GPHN: variants seen among roughly 807,000 people sequenced by gnomAD.
GPHN encodes the protein gephyrin.
GPHN carries 17 observed loss-of-function variants against 95.5 expected under a neutral mutation model. The ratio of observed to expected loss-of-function variants is 0.18; its 90% CI spans 0.12 to 0.27. GPHN has a LOEUF of 0.27. Among genes scored for constraint, GPHN ranks in the 10% least tolerant of loss-of-function variants. The pLI is 1.00. For synonymous variants in GPHN, 320 were observed against 322.5 expected (o/e 0.99, Z 0.08); for missense variants, 660 against 978.1 (o/e 0.67, Z 4.34).
intron 2 of GPHN, among the ~76,000 whole-genome samples, chr14:66,764,135 A>G (rs2058869203): frequency 6.6e-6 from 1 of 152,214 alleles, no homozygotes. Context: ...CATTTGAATC[A>G]TCACAAAACC....
At chr14:66,855,103 T>C (rs181073137) in intron 4 of GPHN, among the ~76,000 whole-genome samples, 2 of 152,276 alleles carry the variant, frequency 1.3e-5, no homozygotes, top group Non-Finnish European at 2.9e-5. Context: ...CACCGCAGCC[T>C]CCCTAAGTGT....
chr14:67,619,873 C>A, the GPHN span: 2 of 760,970 alleles, frequency 2.6e-6, no homozygotes. Flanking sequence ...ACGGGGCGGG[C>A]GGACGCTGGC....
intron 13 of GPHN, among the ~76,000 whole-genome samples, chr14:67,108,863 G>A (rs1595173210): frequency 2.0e-5 from 3 of 152,050 alleles, no homozygotes; most frequent in African/African-American, 7.3e-5. Context: ...TTATAGTTCA[G>A]TAGTGGTAAA....
chr14:67,422,518 G>A, the GPHN span, among the ~76,000 whole-genome samples: 1 of 152,236 alleles, frequency 6.6e-6, no homozygotes, highest in Admixed American at 6.5e-5. Flanking sequence ...GGCTGAATAA[G>A]TTAAATGAAT....
At chr14:66,853,883 A>G (rs2062694850) in intron 4 of GPHN, among the ~76,000 whole-genome samples, 1 of 152,206 alleles carries the variant, frequency 6.6e-6, no homozygotes, top group Admixed American at 6.5e-5. Flanking sequence ...GATCCTTGAG[A>G]GTATTAAAAG....
the GPHN span, chr14:67,198,446 A>C: frequency 1.1e-6 from 1 of 900,180 alleles, no homozygotes; most frequent in South Asian, 1.8e-5. Context: ...TACAAAAGAG[A>C]ACAGTTTGGG....
At chr14:67,279,027 A>G in the GPHN span, 1 of 730,416 alleles carries the variant, frequency 1.4e-6, no homozygotes, top group Non-Finnish European at 2.0e-6. Flanking sequence ...GATTTCCTTC[A>G]TGGATACTTT....
At chr14:66,912,489 C>G (rs2065719978) in intron 5 of GPHN, among the ~76,000 whole-genome samples, 1 of 152,218 alleles carries the variant, frequency 6.6e-6, no homozygotes, top group African/African-American at 2.4e-5. Context: ...AAACAATGCG[C>G]TATGTAACAT....
At chr14:66,664,474 G>A (rs2065836269) in intron 1 of GPHN, among the ~76,000 whole-genome samples, 1 of 152,140 alleles carries the variant, frequency 6.6e-6, no homozygotes, top group African/African-American at 2.4e-5. Context: ...CAGGGACACA[G>A]CTAAAGTAGT....
intron 13 of GPHN, among the ~76,000 whole-genome samples, chr14:67,101,624 G>T (rs1428067589): frequency 6.6e-6 from 1 of 151,344 alleles, no homozygotes; most frequent in African/African-American, 2.4e-5. Flanking sequence ...CAATGTCTCT[G>T]ATTTCCATTT....
the GPHN span, among the ~76,000 whole-genome samples, chr14:67,565,669 G>A: frequency 6.6e-6 from 1 of 152,326 alleles, no homozygotes; most frequent in South Asian, 2.1e-4. Flanking sequence ...CTGCTGGGGT[G>A]TGTAGCAGTA....
the GPHN span, among the ~76,000 whole-genome samples, chr14:67,501,522 A>T: frequency 6.6e-6 from 1 of 151,724 alleles, no homozygotes; most frequent in African/African-American, 2.4e-5. Flanking sequence ...GAACTGCTGC[A>T]CCCAGCCAAG....
chr14:67,224,118 T>C, the GPHN span: 1 of 596,350 alleles, frequency 1.7e-6, no homozygotes, highest in Non-Finnish European at 2.1e-6. Context: ...TTTGCGAAAG[T>C]TAAATTTTTT....
intron 2 of GPHN, among the ~76,000 whole-genome samples, chr14:66,688,695 C>T (rs2067564616): frequency 6.6e-6 from 1 of 152,218 alleles, no homozygotes; most frequent in South Asian, 2.1e-4. Flanking sequence ...TTAATTCTTT[C>T]TCTTGCCTAA....
At position 66,696,702 on chromosome 14, in the gene GPHN, A is replaced by G. The variant is rs542286675; in HGVS notation, c.143+15517A>G. 2.0e-5 allele frequency among the ~76,000 whole-genome samples: 3 copies of G among 152,318 alleles called. No homozygotes were observed. In the East Asian group the frequency reaches 5.8e-4, roughly 29 times the overall value. The stretch of plus-strand genomic sequence containing the variant: ...GGGAGCCTGGATTCTCACCCTCACT[A>G]GACTGTGATGAAGTACCCCAATTTG... On this transcript the variant is annotated intron_variant, in intron 2 of 22. Coordinates refer to ENST00000478722, the MANE Select transcript of GPHN (RefSeq NM_020806.5).
At chr14:67,203,338 C>A in the GPHN span, 1 of 1,454,562 alleles carries the variant, frequency 6.9e-7, no homozygotes, top group South Asian at 1.3e-5. Context: ...AGAAGATGTG[C>A]ATTAGCCCTG....
intron 1 of GPHN, among the ~76,000 whole-genome samples, chr14:66,518,934 A>G (rs1331722333): frequency 6.6e-6 from 1 of 152,084 alleles, no homozygotes; most frequent in Non-Finnish European, 1.5e-5. Context: ...TAGGGTGACT[A>G]TAGTTAACAG....
chr14:67,301,893 C>T, the GPHN span: 1 of 1,412,800 alleles, frequency 7.1e-7, no homozygotes, highest in African/African-American at 1.5e-5. Flanking sequence ...GGTCAGAATA[C>T]TATGTACATA....
the GPHN span, chr14:67,557,187 C>A: frequency 1.7e-6 from 2 of 1,157,106 alleles, no homozygotes; most frequent in Non-Finnish European, 2.5e-6. Context: ...GGGCATCAGA[C>A]GGTGTCCCAT....
Sources: allele counts gnomAD v4.1 joint callset (sites outside exome capture counted in the v4.1 genomes callset), GRCh38; gene constraint gnomAD v4.1.1; transcripts MANE v1.5; gene names NCBI Gene and HGNC (gene_info 2026-07-23, HGNC 2026-07-21).